CD300A: variants seen among roughly 807,000 people sequenced by gnomAD.
CD300A encodes CMRF35-like molecule 8.
A neutral mutation model predicts 33.6 loss-of-function variants in CD300A; 22 were observed. The observed-to-expected ratio is 0.66, with a 90% CI of 0.47 to 0.94. The LOEUF (loss-of-function observed/expected upper bound fraction) is 0.94. Among genes scored for constraint, CD300A ranks in the 40% least tolerant of loss-of-function variants. The pLI is 0.00. For synonymous variants in CD300A, 136 were observed against 148.1 expected, an observed-to-expected ratio of 0.92 and a Z score of 0.59; for missense variants, 326 against 360.5, an observed-to-expected ratio of 0.90 and a Z score of 0.77.
chr17:74,481,026 G>A (rs1030842921), intron 4 of CD300A, among the ~76,000 whole-genome samples: 2 of 152,206 alleles, frequency 1.3e-5, no homozygotes, highest in Admixed American at 6.5e-5. Context: ...TGGGATTACA[G>A]GCGTGAGCCA....
intron 1 of CD300A, chr17:74,470,156 G>T: frequency 1.0e-6 from 1 of 985,432 alleles, no homozygotes; most frequent in Non-Finnish European, 1.2e-6. Flanking sequence ...TATGATTAGA[G>T]GGGTTTGGGG....
chr17:74,470,636 T>C (rs966563680), intron 1 of CD300A, among the ~76,000 whole-genome samples: 1 of 150,064 alleles, frequency 6.7e-6, no homozygotes, highest in Non-Finnish European at 1.5e-5. Flanking sequence ...GAAGGAGGGC[T>C]GGGAACTGAC....
chr17:74,475,909 G>A lies in CD300A; in HGVS notation c.533+1224G>A, dbSNP rs1196252819. On this transcript the variant is annotated intron_variant, in intron 3 of 6. Coordinates refer to ENST00000360141, the MANE Select transcript of CD300A (RefSeq NM_007261.4). ...ATTACAGTTTTATCATAAGGATAAA[G>A]GATAAAGATTAGGACCAGCCAATGC... is the stretch of plus-strand genomic sequence containing the variant. 2.0e-5 allele frequency among the ~76,000 whole-genome samples: 3 copies of A among 152,118 alleles called. No homozygotes were observed. In the East Asian group the frequency reaches 5.8e-4, roughly 29 times the overall value.
intron 6 of CD300A, among the ~76,000 whole-genome samples, chr17:74,482,111 G>A (rs914568409): frequency 3.9e-5 from 6 of 152,062 alleles, no homozygotes; most frequent in Admixed American, 6.5e-5. Flanking sequence ...GCTGTGTATC[G>A]TGAGCCAAGC....
chr17:74,481,875 C>A, intron 6 of CD300A, 42 bp downstream of exon 6: 1 of 1,476,376 alleles, frequency 6.8e-7, no homozygotes, highest in Non-Finnish European at 9.3e-7. Context: ...GGCCCCTGGG[C>A]TGTGCCAGGG....
chr17:74,470,059 T>A (rs1210886909), intron 1 of CD300A: 1 of 985,274 alleles, frequency 1.0e-6, no homozygotes, highest in East Asian at 1.1e-4. Flanking sequence ...GGGTCAAGAT[T>A]CTGTGATCTT....
chr17:74,476,291 A>G (rs1906456416), intron 3 of CD300A, among the ~76,000 whole-genome samples: 1 of 152,214 alleles, frequency 6.6e-6, no homozygotes, highest in Non-Finnish European at 1.5e-5. Context: ...TTTTTGGGAC[A>G]TTCCAAGGAT....
chr17:74,473,814 A>T lies in CD300A; in HGVS notation c.319A>T (p.Thr107Ser), dbSNP rs908746924. ...DAGTYWCGVD[T>S]PWLRDFHDPV... The stretch of plus-strand genomic sequence containing the variant: ...AGGCACCTACTGGTGTGGGGTGGAT[A>T]CACCATGGCTCCGAGACTTTCATGA... Residue 107 changes from threonine to serine, a missense_variant, in exon 2 of 7, where the codon ACA becomes TCA. By Grantham distance (58) the Thr-to-Ser change is moderately conservative. Coordinates refer to ENST00000360141, the MANE Select transcript of CD300A (RefSeq NM_007261.4). 1 of 1,614,132 alleles carries T rather than the reference A, an allele frequency of 6.2e-7. No individual in the cohort carries two copies. The highest frequency in any genetic ancestry group is 8.5e-7 in the Non-Finnish European group (1 of 1,179,944).
intron 1 of CD300A, chr17:74,467,046 G>T: frequency 8.0e-7 from 1 of 1,250,492 alleles, no homozygotes; most frequent in Non-Finnish European, 1.0e-6. Flanking sequence ...TTACAGGAAG[G>T]GGGACGAGAG....
At chr17:74,478,376 G>A (rs1906621117) in intron 4 of CD300A, among the ~76,000 whole-genome samples, 1 of 152,172 alleles carries the variant, frequency 6.6e-6, no homozygotes, top group East Asian at 1.9e-4. Flanking sequence ...TCAAATTAAT[G>A]TGTTATTCAG....
At chr17:74,466,800 G>A in intron 1 of CD300A, 57 bp downstream of exon 1, 1 of 1,555,840 alleles carries the variant, frequency 6.4e-7, no homozygotes, top group South Asian at 1.2e-5. Flanking sequence ...GCGAGGGGCA[G>A]GGCCGCAGGG....
chr17:74,483,234 G>T lies in CD300A; in HGVS notation c.775-767G>T, dbSNP rs1280172732. Among the ~76,000 whole-genome samples the T allele has an allele frequency of 3.3e-5, 5 of 152,184 alleles. No homozygotes were observed. In the East Asian group the frequency reaches 9.6e-4, roughly 29 times the overall value. ...ACAGTACAGCAAGTTAATCAGAGCTGCAGGGCCAACGCAGTACCCCTGTAC... is the reference window on the plus strand; with the variant it reads ...ACAGTACAGCAAGTTAATCAGAGCTTCAGGGCCAACGCAGTACCCCTGTAC... On this transcript the variant is annotated intron_variant, in intron 6 of 6. Coordinates refer to ENST00000360141, the MANE Select transcript of CD300A (RefSeq NM_007261.4).
chr17:74,472,969 G>A (rs1906203247), intron 1 of CD300A, among the ~76,000 whole-genome samples: 1 of 152,072 alleles, frequency 6.6e-6, no homozygotes, highest in African/African-American at 2.4e-5. Flanking sequence ...CCCTTGGTGG[G>A]ACCAGATCAG....
chr17:74,479,850 C>T (rs1280991655), intron 4 of CD300A, among the ~76,000 whole-genome samples: 1 of 152,122 alleles, frequency 6.6e-6, no homozygotes, highest in South Asian at 2.1e-4. Context: ...CCCACTCTTT[C>T]CCCCAGCCCA....
chr17:74,474,478 G>T (rs1241077822), intron 2 of CD300A, 54 bp from the exon 3 acceptor site: 7 of 1,586,038 alleles, frequency 4.4e-6, no homozygotes, highest in South Asian at 1.1e-5. Context: ...CATCCTGAGT[G>T]GTGGGAGAGC....
upstream of CD300A, chr17:74,466,420 C>G: frequency 2.1e-6 from 1 of 483,908 alleles, no homozygotes; most frequent in Non-Finnish European, 3.7e-6. Context: ...CTGCAAGCTA[C>G]GGAGTCACTA....
intron 1 of CD300A, 165 bp downstream of exon 1, chr17:74,466,908 A>C: frequency 6.8e-7 from 1 of 1,470,386 alleles, no homozygotes; most frequent in Non-Finnish European, 9.0e-7. Flanking sequence ...GAAGGTCCAC[A>C]CCCCTGGGAG....
chr17:74,470,341 G>C (rs1474293676), intron 1 of CD300A: 1 of 658,306 alleles, frequency 1.5e-6, no homozygotes, highest in Non-Finnish European at 1.9e-6. Context: ...GAGATGATTG[G>C]GTGACAGTTT....
chr17:74,473,688 A>C lies in CD300A; in HGVS notation c.193A>C (p.Lys65Gln). 6.2e-7 allele frequency: 1 copy of C among 1,614,250 alleles called. No individual in the cohort carries two copies. Among genetic ancestry groups the C allele is most frequent in the South Asian group, 1.1e-5 (1 of 91,086 alleles). Residue 65 changes from lysine to glutamine, a missense_variant, in exon 2 of 7, where the codon AAA (lysine) becomes CAA (glutamine). Transcript: ENST00000360141. Reference sequence around the variant, plus strand: ...CCTATGTGACAAGATTGTGGAGACCAAAGGGTCAGCAGGAAAAAGGAACGG... The same window carrying C: ...CCTATGTGACAAGATTGTGGAGACCCAAGGGTCAGCAGGAAAAAGGAACGG... ...IFLCDKIVET[K>Q]GSAGKRNGRV...
Sources: allele counts gnomAD v4.1 joint callset (sites outside exome capture counted in the v4.1 genomes callset), GRCh38; gene constraint gnomAD v4.1.1; transcripts MANE v1.5; gene names NCBI Gene and HGNC (gene_info 2026-07-23, HGNC 2026-07-21).